Variants in C12orf42 observed in about 807,000 individuals in gnomAD.
C12orf42 encodes the protein uncharacterized protein C12orf42.
A neutral mutation model predicts 21.6 loss-of-function variants in C12orf42; 25 were observed. That is an observed-to-expected ratio of 1.16 (90% CI 0.84 to 1.62). The LOEUF is 1.62. Among genes scored for constraint, C12orf42 ranks in the 40% most tolerant of loss-of-function variants. The pLI is 0.00. For synonymous variants in C12orf42, 174 were observed against 175.0 expected, an observed-to-expected ratio of 0.99 and a Z score of 0.05; for missense variants, 483 against 459.3, an observed-to-expected ratio of 1.05 and a Z score of -0.47.
chr12:103,097,002 A>G, the C12orf42 span, among the ~76,000 whole-genome samples: 1 of 152,220 alleles, frequency 6.6e-6, no homozygotes, highest in Non-Finnish European at 1.5e-5. Context: ...CATTTTCTCT[A>G]CTAAAGAGTG....
At chr12:103,444,395 A>G (rs1039301132) in intron 2 of C12orf42, among the ~76,000 whole-genome samples, 1 of 152,158 alleles carries the variant, frequency 6.6e-6, no homozygotes, top group East Asian at 1.9e-4. Flanking sequence ...CATTTTAAAC[A>G]TCATTTATTG....
chr12:103,497,305 A>T (rs1291266412), upstream of C12orf42, among the ~76,000 whole-genome samples: 3 of 152,254 alleles, frequency 2.0e-5, no homozygotes, highest in Non-Finnish European at 2.9e-5. Context: ...TATGACTTCC[A>T]TAAATTAAAG....
At chr12:103,195,583 G>A in the C12orf42 span, among the ~76,000 whole-genome samples, 2 of 152,012 alleles carry the variant, frequency 1.3e-5, no homozygotes, top group African/African-American at 4.8e-5. Context: ...TTGGCTAGAT[G>A]TATATTTTCT....
the C12orf42 span, among the ~76,000 whole-genome samples, chr12:103,151,546 C>G: frequency 6.6e-6 from 1 of 152,132 alleles, no homozygotes; most frequent in Non-Finnish European, 1.5e-5. Context: ...TGTCAGCAAT[C>G]TCACATGGTT....
At chr12:103,553,854 G>A in the C12orf42 span, among the ~76,000 whole-genome samples, 1 of 152,180 alleles carries the variant, frequency 6.6e-6, no homozygotes, top group Non-Finnish European at 1.5e-5. Context: ...CCCCCAGCTG[G>A]AAAGGGACAG....
intron 3 of C12orf42, among the ~76,000 whole-genome samples, chr12:103,375,462 A>C (rs2045612800): frequency 6.6e-6 from 1 of 152,216 alleles, no homozygotes; most frequent in Non-Finnish European, 1.5e-5. Context: ...AATGATTTGC[A>C]ATCTTAAAGA....
chr12:103,162,037 C>T, the C12orf42 span, among the ~76,000 whole-genome samples: 6 of 152,174 alleles, frequency 3.9e-5, no homozygotes, highest in East Asian at 1.2e-3. Flanking sequence ...CCCCCCTTCC[C>T]TTTTCCCTCC....
the C12orf42 span, among the ~76,000 whole-genome samples, chr12:103,230,549 C>T: frequency 6.6e-6 from 1 of 152,166 alleles, no homozygotes; most frequent in African/African-American, 2.4e-5. Context: ...AAACAAGAAT[C>T]ATAAGGACTA....
At chr12:103,096,285 G>A in the C12orf42 span, among the ~76,000 whole-genome samples, 1 of 152,058 alleles carries the variant, frequency 6.6e-6, no homozygotes, top group African/African-American at 2.4e-5. Context: ...AAATAATCAT[G>A]GCTTTATAAG....
the C12orf42 span, among the ~76,000 whole-genome samples, chr12:103,532,400 T>C: frequency 2.6e-5 from 4 of 152,254 alleles, no homozygotes; most frequent in African/African-American, 9.6e-5. Flanking sequence ...CTTATTTATA[T>C]GCTTTGATTA....
intron 5 of C12orf42, among the ~76,000 whole-genome samples, chr12:103,305,077 A>G (rs568323219): frequency 6.6e-6 from 1 of 152,332 alleles, no homozygotes; most frequent in East Asian, 1.9e-4. Flanking sequence ...AAAATACACT[A>G]ACACTGATGA....
the C12orf42 span, among the ~76,000 whole-genome samples, chr12:103,540,658 A>T: frequency 6.6e-6 from 1 of 152,032 alleles, no homozygotes; most frequent in African/African-American, 2.4e-5. Flanking sequence ...TTTATCTCCA[A>T]TCTTTCTGTA....
At chr12:103,200,849 CT>C in the C12orf42 span, among the ~76,000 whole-genome samples, 1 of 152,148 alleles carries the variant, frequency 6.6e-6, no homozygotes, top group African/African-American at 2.4e-5. Context: ...TCAAACACAT[CT>C]TTATTCATCA....
At chr12:103,242,718 CAT>C (rs1430795448) in intron 10 of C12orf42, among the ~76,000 whole-genome samples, 20 of 151,990 alleles carry the variant, frequency 1.3e-4, no homozygotes, top group Non-Finnish European at 2.2e-4. Flanking sequence ...GGTGATGAAA[CAT>C]GTGTTTTAAG....
chr12:103,547,116 T>G, the C12orf42 span, among the ~76,000 whole-genome samples: 1 of 152,260 alleles, frequency 6.6e-6, no homozygotes. Context: ...CTTTTGTTAA[T>G]CTGTCTTTTG....
intron 4 of C12orf42, among the ~76,000 whole-genome samples, chr12:103,308,627 C>T (rs116895393): frequency 0.048 from 7,262 of 152,244 alleles, 250 homozygotes; most frequent in Non-Finnish European, 0.072. Flanking sequence ...GTTAAGCAGA[C>T]TTGTCTGGAC....
chr12:103,222,802 C>T, the C12orf42 span, among the ~76,000 whole-genome samples: 1 of 151,796 alleles, frequency 6.6e-6, no homozygotes, highest in East Asian at 1.9e-4. Context: ...TGTCCCCACG[C>T]AGATGTCCCA....
At chr12:103,259,037 T>C (rs1343055405) in intron 10 of C12orf42, among the ~76,000 whole-genome samples, 5 of 152,168 alleles carry the variant, frequency 3.3e-5, no homozygotes, top group Admixed American at 2.0e-4. Flanking sequence ...TAGAAAGTTG[T>C]GGTAATTAAG....
At chr12:103,272,419 A>G (rs1420175915) in intron 5 of C12orf42, among the ~76,000 whole-genome samples, 2 of 152,156 alleles carry the variant, frequency 1.3e-5, no homozygotes, top group Non-Finnish European at 2.9e-5. Context: ...GAGGCCCACA[A>G]AACAATTTCA....
Sources: gnomAD v4.1 joint callset for allele counts (sites outside exome capture counted in the v4.1 genomes callset) on GRCh38, gnomAD v4.1.1 for gene constraint, MANE v1.5 for transcripts, NCBI Gene and HGNC (gene_info 2026-07-23, HGNC 2026-07-21) for gene names.